Variants in HGD observed in about 807,000 individuals in gnomAD.
The protein encoded by HGD is homogentisate oxidase.
In HGD, 61 loss-of-function variants were observed where a neutral mutation model predicts 60.8. That is an observed-to-expected ratio of 1.00 (90% CI 0.82 to 1.24). The LOEUF (loss-of-function observed/expected upper bound fraction) is 1.24. Ranked by LOEUF, HGD falls within the 50% of genes most tolerant of loss-of-function variation. The pLI, the probability that HGD is intolerant of heterozygous loss-of-function variation, is 0.00. For missense variants in HGD, 542 were observed against 547.1 expected (o/e 0.99, Z 0.09); for synonymous variants, 212 against 187.7 (o/e 1.13, Z -1.06).
chr3:120,639,818 C>T (rs181705700), intron 11 of HGD, among the ~76,000 whole-genome samples: 1 of 152,210 alleles, frequency 6.6e-6, no homozygotes, highest in Admixed American at 6.5e-5. Context: ...CCGTAGTCTT[C>T]ATAGTGGTAG....
chr3:120,637,610 C>G (rs1940824948), intron 12 of HGD, among the ~76,000 whole-genome samples: 1 of 141,192 alleles, frequency 7.1e-6, no homozygotes. Flanking sequence ...GTCTCTCTGT[C>G]TCTCTCTCTG....
In HGD at chr3:120,629,193, AAT is replaced by A. The variant is rs1940508659; in HGVS notation, c.1189-666_1189-665del. ...GGAGGTTTTTGTCCACAACAGAAAGAATATGTAAATACTCTGTGCATCTTAGA... is the reference window on the plus strand; with the variant it reads ...GGAGGTTTTTGTCCACAACAGAAAGAATGTAAATACTCTGTGCATCTTAGA... On this transcript the variant is annotated intron_variant, in intron 13 of 13. Coordinates refer to ENST00000283871, the MANE Select transcript of HGD (RefSeq NM_000187.4). 2.0e-5 allele frequency among the ~76,000 whole-genome samples: 3 copies of A among 152,344 alleles called. No individual in the cohort carries two copies. The South Asian group carries it at 6.2e-4, about 32-fold the overall frequency.
chr3:120,628,878 T>A (rs1940498903), intron 13 of HGD, among the ~76,000 whole-genome samples: 2 of 152,226 alleles, frequency 1.3e-5, no homozygotes, highest in Non-Finnish European at 2.9e-5. Flanking sequence ...ATATCCATCT[T>A]CTGAGGGCCT....
intron 6 of HGD, among the ~76,000 whole-genome samples, chr3:120,648,356 G>T (rs1353394895): frequency 6.6e-6 from 1 of 152,176 alleles, no homozygotes; most frequent in Non-Finnish European, 1.5e-5. Flanking sequence ...GTGAATGAAG[G>T]CCAATGCGGC....
Position 120,628,315 on chromosome 3 carries a change from A to G in HGD, c.*65T>C. 1.3e-6 allele frequency: 2 copies of G among 1,553,890 alleles called. No individual in the cohort carries two copies. Among genetic ancestry groups the G allele is most frequent in the Admixed American group, 3.3e-5 (2 of 59,944 alleles). On this transcript the variant is annotated 3_prime_UTR_variant, in exon 14 of 14. Transcript: ENST00000283871. ...CAACCCCCTCCTCCAATACTACCAGAAAGCATGAGATTCTGAAGAAATCTT... is the reference window on the plus strand; with the variant it reads ...CAACCCCCTCCTCCAATACTACCAGGAAGCATGAGATTCTGAAGAAATCTT...
At chr3:120,631,787 G>T (rs189157225) in intron 13 of HGD, among the ~76,000 whole-genome samples, 2 of 152,170 alleles carry the variant, frequency 1.3e-5, no homozygotes, top group Admixed American at 1.3e-4. Context: ...TGGACCCTCC[G>T]CCATCAGGTA....
At chr3:120,656,555 C>T (rs1228906866) in intron 4 of HGD, among the ~76,000 whole-genome samples, 1 of 114,192 alleles carries the variant, frequency 8.8e-6, no homozygotes, top group Non-Finnish European at 2.1e-5. Context: ...TTTTTGAGAT[C>T]TTTTTTTTGG....
At chr3:120,654,388 C>T (rs1049996540) in intron 4 of HGD, among the ~76,000 whole-genome samples, 15 of 152,124 alleles carry the variant, frequency 9.9e-5, no homozygotes, top group Admixed American at 5.2e-4. Context: ...GCCCAGACAT[C>T]GGTATTTTAT....
At chr3:120,660,079 G>T (rs1465937259) in intron 4 of HGD, among the ~76,000 whole-genome samples, 1 of 151,950 alleles carries the variant, frequency 6.6e-6, no homozygotes, top group African/African-American at 2.4e-5. Context: ...TCTCTCTCTT[G>T]CTCCTGCTCC....
chr3:120,641,744 G>A (rs191581718), intron 10 of HGD, 51 bp from the exon 11 acceptor site: 14 of 1,177,692 alleles, frequency 1.2e-5, no homozygotes, highest in Non-Finnish European at 7.7e-6. Flanking sequence ...TGCTTTTGTA[G>A]CTGTGATCCC....
chr3:120,682,071 A>G, intron 1 of HGD, 26 bp downstream of exon 1: 2 of 1,612,818 alleles, frequency 1.2e-6, no homozygotes, highest in Non-Finnish European at 1.7e-6. Flanking sequence ...AAGAAGCCAT[A>G]GCAAACTTGT....
intron 4 of HGD, among the ~76,000 whole-genome samples, chr3:120,653,214 T>C: frequency 6.6e-6 from 1 of 152,210 alleles, no homozygotes; most frequent in East Asian, 1.9e-4. Flanking sequence ...AACCCCACGT[T>C]TGTCCCTAGG....
At chr3:120,633,105 G>A (rs769805012) in intron 13 of HGD, 42 bp downstream of exon 13, 3 of 1,589,798 alleles carry the variant, frequency 1.9e-6, no homozygotes, top group South Asian at 1.1e-5. Flanking sequence ...GTAAGGGTGG[G>A]GAGTTCAGAG....
chr3:120,629,429 T>G (rs1250897974), intron 13 of HGD, among the ~76,000 whole-genome samples: 1 of 152,218 alleles, frequency 6.6e-6, no homozygotes, highest in Non-Finnish European at 1.5e-5. Context: ...CATTAAATTA[T>G]TTTTGTCTAA....
intron 12 of HGD, chr3:120,633,643 A>G: frequency 7.8e-7 from 1 of 1,284,030 alleles, no homozygotes; most frequent in Non-Finnish European, 1.0e-6. Context: ...TGCTAGTCAT[A>G]ATAGAGAGCG....
intron 4 of HGD, among the ~76,000 whole-genome samples, chr3:120,665,043 G>A (rs1353732851): frequency 6.6e-6 from 1 of 152,206 alleles, no homozygotes; most frequent in African/African-American, 2.4e-5. Context: ...TATTTCTCAA[G>A]GAGTCTGGCT....
At chr3:120,670,150 G>T in intron 4 of HGD, 1 of 460,994 alleles carries the variant, frequency 2.2e-6, no homozygotes, top group Admixed American at 3.5e-5. Context: ...CGCCATGATT[G>T]TAAGTTTCTT....
At chr3:120,640,916 C>T (rs1359913723) in intron 11 of HGD, among the ~76,000 whole-genome samples, 1 of 152,122 alleles carries the variant, frequency 6.6e-6, no homozygotes, top group Non-Finnish European at 1.5e-5. Context: ...AGGTTCATCT[C>T]TTATGAAGTG....
In HGD at chr3:120,666,099, G is replaced by C. The variant is rs537086970; in HGVS notation, c.282+4328C>G. ...GGTAGATTTTGCAAGATCAGCCAGGGTTTATCATGGAGAGAGAAGTAGTTG... is the reference window on the plus strand; with the variant it reads ...GGTAGATTTTGCAAGATCAGCCAGGCTTTATCATGGAGAGAGAAGTAGTTG... On this transcript the variant is annotated intron_variant, in intron 4 of 13. Coordinates refer to ENST00000283871, the MANE Select transcript of HGD (RefSeq NM_000187.4). Among the ~76,000 whole-genome samples, 220 of 152,244 alleles carry C rather than the reference G, an allele frequency of 1.4e-3. 1 individual carries two copies. The highest frequency in any genetic ancestry group is 5.0e-3 in the African/African-American group (208 of 41,536).
Sources: gnomAD v4.1 joint callset for allele counts (sites outside exome capture counted in the v4.1 genomes callset) on GRCh38, gnomAD v4.1.1 for gene constraint, MANE v1.5 for transcripts, NCBI Gene and HGNC (gene_info 2026-07-23, HGNC 2026-07-21) for gene names.